TNKS: variants seen among roughly 807,000 people sequenced by gnomAD.
TNKS encodes poly [ADP-ribose] polymerase tankyrase-1.
A neutral mutation model predicts 135.8 loss-of-function variants in TNKS; 72 were observed. That is an observed-to-expected ratio of 0.53 (90% CI 0.44 to 0.64). The LOEUF (loss-of-function observed/expected upper bound fraction) is 0.64, where lower values mean the gene tolerates loss of function less well. TNKS is among the 30% of genes least tolerant of loss of function. The pLI is 0.00. For synonymous variants in TNKS, 849 were observed against 649.3 expected (o/e 1.31, Z -4.68); for missense variants, 1,769 against 1,674.0 (o/e 1.06, Z -0.99).
chr8:9,773,588 T>C (rs1024795088), intron 26 of TNKS, among the ~76,000 whole-genome samples: 1 of 152,156 alleles, frequency 6.6e-6, no homozygotes, highest in Admixed American at 6.6e-5. Context: ...TAAGGAATAC[T>C]TAGAAGATAA....
intron 4 of TNKS, among the ~76,000 whole-genome samples, chr8:9,680,214 C>T (rs1485599797): frequency 1.3e-5 from 2 of 152,096 alleles, no homozygotes; most frequent in Non-Finnish European, 2.9e-5. Context: ...CCTAAGGTAC[C>T]TGTAAACCCT....
intron 2 of TNKS, among the ~76,000 whole-genome samples, chr8:9,589,746 T>TA (rs888561525): frequency 6.6e-6 from 1 of 152,232 alleles, no homozygotes; most frequent in African/African-American, 2.4e-5. Flanking sequence ...GAGAAGAAAG[T>TA]AAAAATGAGC....
At chr8:9,756,004 T>C (rs1563213326) in intron 20 of TNKS, among the ~76,000 whole-genome samples, 1 of 152,224 alleles carries the variant, frequency 6.6e-6, no homozygotes, top group Non-Finnish European at 1.5e-5. Context: ...ACTTTGGCCC[T>C]TCCTTTATAA....
intron 2 of TNKS, among the ~76,000 whole-genome samples, chr8:9,599,017 C>T (rs936095153): frequency 2.0e-5 from 3 of 151,480 alleles, no homozygotes; most frequent in South Asian, 4.2e-4. Flanking sequence ...TGGTCATTGT[C>T]CCTTAGAGTT....
intron 1 of TNKS, among the ~76,000 whole-genome samples, chr8:9,579,711 C>T (rs1463559259): frequency 2.6e-5 from 4 of 152,114 alleles, no homozygotes; most frequent in African/African-American, 7.2e-5. Flanking sequence ...TCAGGTGACC[C>T]GCCCACCTCG....
intron 20 of TNKS, among the ~76,000 whole-genome samples, chr8:9,761,183 C>T (rs1807130469): frequency 6.6e-6 from 1 of 152,204 alleles, no homozygotes; most frequent in South Asian, 2.1e-4. Context: ...TTTCAAGCTA[C>T]TGATTCCTCC....
At chr8:9,643,124 T>C (rs893113398) in intron 3 of TNKS, among the ~76,000 whole-genome samples, 1 of 146,536 alleles carries the variant, frequency 6.8e-6, no homozygotes, top group African/African-American at 2.5e-5. Context: ...AAAAATTTAC[T>C]CATTAGACAT....
intron 12 of TNKS, among the ~76,000 whole-genome samples, chr8:9,724,226 G>T (rs1242451653): frequency 1.3e-5 from 2 of 152,056 alleles, no homozygotes; most frequent in Non-Finnish European, 2.9e-5. Context: ...ACGGTGGGAG[G>T]ATTGCTTGAG....
chr8:9,650,248 A>AT (rs938257688), intron 3 of TNKS, among the ~76,000 whole-genome samples: 2 of 151,936 alleles, frequency 1.3e-5, no homozygotes, highest in African/African-American at 4.8e-5. Context: ...CTGGTTCCAT[A>AT]TTTTTTGCAG....
At chr8:9,696,617 T>G (rs1285684079) in intron 5 of TNKS, among the ~76,000 whole-genome samples, 1 of 152,066 alleles carries the variant, frequency 6.6e-6, no homozygotes, top group African/African-American at 2.4e-5. Context: ...GTATACAAAA[T>G]CCATGTACAA....
At chr8:9,625,515 A>G (rs1165729453) in intron 3 of TNKS, among the ~76,000 whole-genome samples, 2 of 151,700 alleles carry the variant, frequency 1.3e-5, no homozygotes, top group African/African-American at 2.4e-5. Flanking sequence ...TAATGTATGT[A>G]TTTAATGTTA....
rs1355153179 is a variant in TNKS at position 9,772,350 on chromosome 8, G to C, written c.3897+2088G>C. On this transcript the variant is annotated intron_variant, in intron 26 of 26. Coordinates refer to ENST00000310430, the MANE Select transcript of TNKS (RefSeq NM_003747.3). ...AACATCACCAATGAGGGACAGATAG[G>C]CTTATATTATCTCTCTAGGTGGATA... is the stretch of plus-strand genomic sequence containing the variant. 6.6e-6 allele frequency: 3 copies of C among 454,364 alleles called. No individual in the cohort carries two copies. The East Asian group carries it at 2.1e-4, about 32-fold the overall frequency. The allele number at this position is 454,364 out of a possible 1,614,324, so 28.1% of individuals were successfully genotyped here. A position where few individuals can be genotyped will look rare whatever the true frequency, so the allele number is the denominator to read the frequency against.
chr8:9,682,914 T>C (rs1357439729), intron 5 of TNKS, among the ~76,000 whole-genome samples: 1 of 152,000 alleles, frequency 6.6e-6, no homozygotes, highest in African/African-American at 2.4e-5. Context: ...AGCATTATTA[T>C]TGTACCAAAA....
chr8:9,632,920 G>A (rs1307464749), intron 3 of TNKS, among the ~76,000 whole-genome samples: 2 of 152,004 alleles, frequency 1.3e-5, no homozygotes, highest in Admixed American at 6.6e-5. Flanking sequence ...TAGTAGAGAT[G>A]GGGTTTCACC....
intron 26 of TNKS, among the ~76,000 whole-genome samples, chr8:9,775,160 T>A (rs1312366127): frequency 6.6e-6 from 1 of 152,130 alleles, no homozygotes; most frequent in Admixed American, 6.5e-5. Flanking sequence ...TTGCTAGATT[T>A]TTTTATACCC....
At chr8:9,751,581 T>A (rs1806533899) in intron 18 of TNKS, 28 bp from the exon 19 acceptor site, 1 of 1,586,434 alleles carries the variant, frequency 6.3e-7, no homozygotes, top group Non-Finnish European at 8.6e-7. Context: ...AGTATTTTCA[T>A]GGTTTTTGTT....
chr8:9,640,093 A>G (rs1170627875), intron 3 of TNKS, among the ~76,000 whole-genome samples: 1 of 152,198 alleles, frequency 6.6e-6, no homozygotes, highest in Non-Finnish European at 1.5e-5. Flanking sequence ...ATAGTCTCAT[A>G]TCTTGATTAT....
chr8:9,776,792 G>A lies in TNKS; in HGVS notation c.*56G>A. On this transcript the variant is annotated 3_prime_UTR_variant, in exon 27 of 27. Transcript: ENST00000310430. ...TTTCAACCTGGGACTGGATTACAGA[G>A]GATTGTTTCTAATAACAACATCAAT... The A allele has an allele frequency of 6.6e-7, 1 of 1,518,852 alleles. No individual in the cohort carries two copies. The highest frequency in any genetic ancestry group is 9.1e-7 in the Non-Finnish European group (1 of 1,096,174). 94.1% of individuals were successfully genotyped at this position (1,518,852 alleles called of 1,614,324 possible).
chr8:9,622,560 A>G (rs973081035), intron 3 of TNKS, among the ~76,000 whole-genome samples: 2 of 152,212 alleles, frequency 1.3e-5, no homozygotes, highest in African/African-American at 4.8e-5. Context: ...TCCAGGATCA[A>G]TGAGTGCTCT....
Sources: gnomAD v4.1 joint callset for allele counts (sites outside exome capture counted in the v4.1 genomes callset) on GRCh38, gnomAD v4.1.1 for gene constraint, MANE v1.5 for transcripts, NCBI Gene and HGNC (gene_info 2026-07-23, HGNC 2026-07-21) for gene names.